MS4A7: variants seen among roughly 807,000 people sequenced by gnomAD.
The protein encoded by MS4A7 is membrane-spanning 4-domains subfamily A member 7.
Under a neutral mutation model 23.5 loss-of-function variants are expected in MS4A7, and 21 were observed. That is an observed-to-expected ratio of 0.89 (90% CI 0.63 to 1.29). The LOEUF is 1.29. Ranked by LOEUF, MS4A7 falls within the 50% of genes most tolerant of loss-of-function variation. The probability of loss-of-function intolerance (pLI) is 0.00; values close to 1 mark genes in which losing one functional copy is unlikely to be tolerated. For missense variants in MS4A7, 263 were observed against 274.2 expected, an observed-to-expected ratio of 0.96 and a Z score of 0.29; for synonymous variants, 111 against 107.4, an observed-to-expected ratio of 1.03 and a Z score of -0.21.
chr11:60,383,201 T>A lies in MS4A7; in HGVS notation c.60T>A (p.Thr20=). Residue 20 remains threonine, a synonymous_variant, in exon 2 of 7, where the codon ACT becomes ACA. Coordinates refer to ENST00000300184, the MANE Select transcript of MS4A7 (RefSeq NM_021201.5). ...VSHSFTPKGI[T]IPQREKPGHM... is the part of the protein sequence containing the mutation. Reference sequence around the variant, plus strand: ...ACAGCTTTACACCAAAGGGCATCACTATCCCTCAAAGAGAGAAACCTGGAC... The same window carrying A: ...ACAGCTTTACACCAAAGGGCATCACAATCCCTCAAAGAGAGAAACCTGGAC... 1 of 1,614,164 alleles carries A rather than the reference T, an allele frequency of 6.2e-7. No homozygotes were observed. The highest frequency in any genetic ancestry group is 8.5e-7 in the Non-Finnish European group (1 of 1,180,008).
intron 6 of MS4A7, 46 bp downstream of exon 6, chr11:60,392,832 C>A (rs778878253): frequency 7.3e-7 from 1 of 1,375,434 alleles, no homozygotes; most frequent in Non-Finnish European, 1.0e-6. Flanking sequence ...GTCTCAGGTC[C>A]AGGCTACAAT....
At chr11:60,386,912 C>A in intron 4 of MS4A7, 139 bp downstream of exon 4, 1 of 696,004 alleles carries the variant, frequency 1.4e-6, no homozygotes, top group Non-Finnish European at 2.3e-6. Context: ...GTTTTCCTGG[C>A]TGTCCCATTG....
At chr11:60,379,592 G>GCAGTGC (rs2085407949) in intron 1 of MS4A7, among the ~76,000 whole-genome samples, 1 of 20,272 alleles carries the variant, frequency 4.9e-5, no homozygotes, top group Non-Finnish European at 1.3e-4. Context: ...AGGCTAGAGT[G>GCAGTGC]CGTGATCTCG....
rs1293275362 is a variant in MS4A7 at position 60,395,177 on chromosome 11, C to CA, written c.*1318dup. On this transcript the variant is annotated 3_prime_UTR_variant, in exon 7 of 7. Coordinates refer to ENST00000300184, the MANE Select transcript of MS4A7 (RefSeq NM_021201.5). ...TATTCTTTCTTCCCAGTCATTGCTG[C>CA]AATTATCTTGTCTGTTCTTTGTGTA... The CA allele has an allele frequency of 2.8e-6, 1 of 362,682 alleles. No individual in the cohort carries two copies. Among genetic ancestry groups the CA allele is most frequent in the Non-Finnish European group, 4.9e-6 (1 of 203,304 alleles). 22.5% of individuals were successfully genotyped at this position (362,682 alleles called of 1,614,324 possible).
chr11:60,394,009 G>T lies in MS4A7; in HGVS notation c.*148G>T. The T allele has an allele frequency of 2.2e-6, 1 of 459,514 alleles. No homozygotes were observed. Among genetic ancestry groups the T allele is most frequent in the East Asian group, 3.6e-5 (1 of 27,714 alleles). 28.5% of individuals were successfully genotyped at this position (459,514 alleles called of 1,614,324 possible). A position where few individuals can be genotyped will look rare whatever the true frequency, so the allele number is the denominator to read the frequency against. ...GTTTTGTATTTGTTTACTATGAGTC[G>T]TTATTTAATTTCTCTTGAAAATAAT... On this transcript the variant is annotated 3_prime_UTR_variant, in exon 7 of 7. Transcript: ENST00000300184.
chr11:60,393,794 T>C lies in MS4A7; in HGVS notation c.656T>C (p.Phe219Ser), dbSNP rs958360084. The C allele has an allele frequency of 6.2e-7, 1 of 1,608,660 alleles. No individual in the cohort carries two copies. Among genetic ancestry groups the C allele is most frequent in the Non-Finnish European group, 8.5e-7 (1 of 1,177,980 alleles). The change falls in exon 7 of 7, where the codon TTT (phenylalanine) becomes TCT (serine). Residue 219 changes from phenylalanine (F) to serine (S), a missense_variant. Transcript: ENST00000300184. Reference protein sequence around the residue: ...QLYSNNPGSSFSSTQSQDHIQ... With the variant: ...QLYSNNPGSSSSSTQSQDHIQ... The stretch of plus-strand genomic sequence containing the variant: ...CAATTATGTATTTTCTAGAGTTCAT[T>C]TTCCTCGACCCAGTCACAAGATCAT...
intron 5 of MS4A7, among the ~76,000 whole-genome samples, chr11:60,391,975 A>G (rs984344539): frequency 6.6e-6 from 1 of 151,434 alleles, no homozygotes; most frequent in African/African-American, 2.4e-5. Context: ...AGGACAGTAA[A>G]GGAAAAAAAA....
chr11:60,393,682 G>C, intron 6 of MS4A7, 105 bp from the exon 7 acceptor site: 1 of 643,822 alleles, frequency 1.6e-6, no homozygotes. Context: ...GGCAAAGTTG[G>C]AAGAACTAGT....
chr11:60,383,960 G>A (rs116530334), intron 2 of MS4A7, among the ~76,000 whole-genome samples: 2,091 of 152,208 alleles, frequency 0.014, 46 homozygotes, highest in African/African-American at 0.048. Context: ...GAGATGAGAC[G>A]ATCAAGACTA....
intron 5 of MS4A7, among the ~76,000 whole-genome samples, chr11:60,392,420 G>A (rs1395825802): frequency 4.6e-5 from 7 of 151,954 alleles, no homozygotes; most frequent in Non-Finnish European, 7.4e-5. Flanking sequence ...TAGTCAAAAA[G>A]AAAATAATAA....
chr11:60,392,548 A>G, intron 5 of MS4A7, 137 bp from the exon 6 acceptor site: 1 of 621,380 alleles, frequency 1.6e-6, no homozygotes. Context: ...CTGAAAAAGA[A>G]AGCAGAAAAG....
At chr11:60,385,025 A>C in intron 2 of MS4A7, 63 bp from the exon 3 acceptor site, 8 of 1,466,760 alleles carry the variant, frequency 5.5e-6, no homozygotes, top group Non-Finnish European at 7.6e-6. Context: ...TACCGTGTGC[A>C]TTCAAATAAT....
chr11:60,381,916 T>C (rs755278422), intron 1 of MS4A7, among the ~76,000 whole-genome samples: 1 of 152,048 alleles, frequency 6.6e-6, no homozygotes, highest in Non-Finnish European at 1.5e-5. Flanking sequence ...TCTCCCTCAC[T>C]AGGAAGAGAT....
chr11:60,393,938 T>A lies in MS4A7; in HGVS notation c.*77T>A. ...TGTGATTAGACTTTCCTGAAATCTC[T>A]GCCATTTTAGATACTGTGAAACAAA... On this transcript the variant is annotated 3_prime_UTR_variant, in exon 7 of 7. Transcript: ENST00000300184. The A allele has an allele frequency of 1.1e-6, 1 of 933,364 alleles. No individual in the cohort carries two copies. Among genetic ancestry groups the A allele is most frequent in the East Asian group, 2.8e-5 (1 of 35,740 alleles). The allele number at this position is 933,364 out of a possible 1,614,324, so 57.8% of individuals were successfully genotyped here.
intron 3 of MS4A7, 53 bp from the exon 4 acceptor site, chr11:60,386,663 TG>T: frequency 7.1e-7 from 1 of 1,409,106 alleles, no homozygotes; most frequent in Non-Finnish European, 1.0e-6. Context: ...AGTGACATGG[TG>T]GGCACATTTC....
At position 60,393,895 on chromosome 11, in the gene MS4A7, T is replaced by A. The variant is rs762578974; in HGVS notation, c.*34T>A. The A allele has an allele frequency of 1.8e-5, 25 of 1,421,378 alleles. No homozygotes were observed. The highest frequency in any genetic ancestry group is 2.3e-5 in the Non-Finnish European group (24 of 1,021,624). 88.0% of individuals were successfully genotyped at this position (1,421,378 alleles called of 1,614,324 possible). A position where few individuals can be genotyped will look rare whatever the true frequency, so the allele number is the denominator to read the frequency against. Reference sequence around the variant, plus strand: ...TGGCCTCAGAGGAAGGAAAAGCAACTCAACACTCATGGTCAAGTGTGATTA... The same window carrying A: ...TGGCCTCAGAGGAAGGAAAAGCAACACAACACTCATGGTCAAGTGTGATTA... On this transcript the variant is annotated 3_prime_UTR_variant, in exon 7 of 7. Transcript: ENST00000300184.
rs759493821 is a variant in MS4A7, at chr11:60,392,681, G to T, written c.547-4G>T. ...GTACCAGCCATTCATGTCCTGATTT[G>T]CAGGGTGTCCTAGTGGTGATGCTCA... is the stretch of plus-strand genomic sequence containing the variant. On this transcript the variant is annotated splice_region_variant and splice_polypyrimidine_tract_variant and intron_variant, in intron 5 of 6. Coordinates refer to ENST00000300184, the MANE Select transcript of MS4A7 (RefSeq NM_021201.5). 48 of 1,611,850 alleles carry T rather than the reference G, an allele frequency of 3.0e-5. No individual in the cohort carries two copies. Among genetic ancestry groups the T allele is most frequent in the Middle Eastern group, 3.4e-4 (2 of 5,826 alleles).
Position 60,394,796 on chromosome 11 carries a change from CCAT to C in MS4A7, c.*937_*939del, listed in dbSNP as rs1270696194. 1.6e-5 allele frequency: 5 copies of C among 309,480 alleles called. No homozygotes were observed. The highest frequency in any genetic ancestry group is 2.9e-5 in the Non-Finnish European group (5 of 175,016). 19.2% of individuals were successfully genotyped at this position (309,480 alleles called of 1,614,324 possible). On this transcript the variant is annotated 3_prime_UTR_variant, in exon 7 of 7. Coordinates refer to ENST00000300184, the MANE Select transcript of MS4A7 (RefSeq NM_021201.5). ...CAGCCCGGCCTACAAGAACAAAACTCCATCTCAAAATAAATAAAAAAATAAATA... is the reference window on the plus strand; with the variant it reads ...CAGCCCGGCCTACAAGAACAAAACTCCTCAAAATAAATAAAAAAATAAATA...
At chr11:60,392,822 G>C in intron 6 of MS4A7, 36 bp downstream of exon 6, 1 of 1,432,348 alleles carries the variant, frequency 7.0e-7, no homozygotes, top group East Asian at 2.3e-5. Context: ...TACCTGCTGT[G>C]TCTCAGGTCC....
Sources: allele counts gnomAD v4.1 joint callset (sites outside exome capture counted in the v4.1 genomes callset), GRCh38; gene constraint gnomAD v4.1.1; transcripts MANE v1.5; gene names NCBI Gene and HGNC (gene_info 2026-07-23, HGNC 2026-07-21).